Variants in TGDS observed in about 807,000 individuals in gnomAD.
TGDS encodes TDP-glucose 4,6-dehydratase.
Under a neutral mutation model 52.3 loss-of-function variants are expected in TGDS, and 47 were observed. The ratio of observed to expected loss-of-function variants is 0.90; its 90% confidence interval spans 0.71 to 1.15. TGDS has a LOEUF of 1.15. Ranked by LOEUF, TGDS falls within the 50% of genes most tolerant of loss-of-function variation. The pLI is 0.00. For missense variants in TGDS, 375 were observed against 418.4 expected (o/e 0.90, Z 0.90); for synonymous variants, 115 against 136.9 (o/e 0.84, Z 1.12).
intron 4 of TGDS, among the ~76,000 whole-genome samples, chr13:94,587,028 G>A (rs1323863176): frequency 1.3e-5 from 2 of 152,064 alleles, no homozygotes; most frequent in Non-Finnish European, 2.9e-5. Context: ...GCCTCTCAAA[G>A]TGCTAGGATT....
At position 94,574,366 on chromosome 13, in the gene TGDS, T is replaced by C. The variant is rs1229766370; in HGVS notation, c.*416A>G. On this transcript the variant is annotated 3_prime_UTR_variant, in exon 12 of 12. Transcript: ENST00000261296. ...AGCATATCAGATCTTAAAAAAGAAATGGTGAATTAGGGCCTAAGACATCCT... is the reference window on the plus strand; with the variant it reads ...AGCATATCAGATCTTAAAAAAGAAACGGTGAATTAGGGCCTAAGACATCCT... 46 of 155,258 alleles carry C rather than the reference T, an allele frequency of 3.0e-4. No individual in the cohort carries two copies. The highest frequency in any genetic ancestry group is 5.7e-5 in the Non-Finnish European group (4 of 70,184). The allele number at this position is 155,258 out of a possible 1,614,324, so 9.6% of individuals were successfully genotyped here.
At chr13:94,581,665 T>C (rs1888799039) in intron 5 of TGDS, among the ~76,000 whole-genome samples, 1 of 152,222 alleles carries the variant, frequency 6.6e-6, no homozygotes, top group South Asian at 2.1e-4. Context: ...TGAAAAATGG[T>C]TACTTCTTGG....
chr13:94,586,753 T>C (rs1007340391), intron 4 of TGDS, among the ~76,000 whole-genome samples: 807 of 62,120 alleles, frequency 0.013, 24 homozygotes, highest in Non-Finnish European at 0.016. Flanking sequence ...ATCAAATTAT[T>C]TTTTTTTTTT....
chr13:94,575,285 CTTTTT>C (rs66717082), intron 11 of TGDS, among the ~76,000 whole-genome samples: 2 of 113,192 alleles, frequency 1.8e-5, no homozygotes, highest in East Asian at 2.5e-4. Context: ...AACTTCCTTG[CTTTTT>C]TTTTTTTTTT....
chr13:94,590,970 G>C, intron 3 of TGDS, 27 bp from the exon 4 acceptor site: 2 of 1,519,686 alleles, frequency 1.3e-6, no homozygotes, highest in Non-Finnish European at 1.8e-6. Flanking sequence ...ACATGAAAGG[G>C]CCTAGGTTTC....
chr13:94,577,124 T>A (rs1888631014), intron 10 of TGDS, among the ~76,000 whole-genome samples: 1 of 152,004 alleles, frequency 6.6e-6, no homozygotes, highest in Non-Finnish European at 1.5e-5. Flanking sequence ...AAAGATGTTA[T>A]TATCCCTATT....
intron 4 of TGDS, among the ~76,000 whole-genome samples, chr13:94,590,567 C>T (rs1889160107): frequency 6.6e-6 from 1 of 151,662 alleles, no homozygotes; most frequent in South Asian, 2.1e-4. Flanking sequence ...TTAAGAAAAA[C>T]AACATAAAAA....
chr13:94,575,285 C>CTTTT (rs66717082), intron 11 of TGDS, among the ~76,000 whole-genome samples: 32 of 113,184 alleles, frequency 2.8e-4, no homozygotes, highest in African/African-American at 7.9e-4. Context: ...AACTTCCTTG[C>CTTTT]TTTTTTTTTT....
At chr13:94,595,991 T>C in intron 1 of TGDS, 60 bp downstream of exon 1, 1 of 1,601,978 alleles carries the variant, frequency 6.2e-7, no homozygotes, top group East Asian at 2.2e-5. Context: ...CAAGCAGAGC[T>C]GCGGGAAAAG....
At chr13:94,593,753 A>T in intron 2 of TGDS, 88 bp downstream of exon 2, 1 of 967,352 alleles carries the variant, frequency 1.0e-6, no homozygotes, top group East Asian at 2.5e-5. Flanking sequence ...AAAAATTTAA[A>T]TATCAGCATG....
chr13:94,594,469 T>G (rs1010894748), intron 1 of TGDS, among the ~76,000 whole-genome samples: 8 of 152,150 alleles, frequency 5.3e-5, no homozygotes, highest in African/African-American at 1.9e-4. Context: ...CCATTCTGAG[T>G]TGGATATCCA....
chr13:94,591,106 T>C (rs1438310850), intron 3 of TGDS, among the ~76,000 whole-genome samples, 163 bp from the exon 4 acceptor site: 1 of 152,216 alleles, frequency 6.6e-6, no homozygotes. Context: ...GATGTATTTC[T>C]CCAGCATCTT....
intron 5 of TGDS, among the ~76,000 whole-genome samples, chr13:94,582,602 G>A (rs1045803909): frequency 1.3e-5 from 2 of 152,190 alleles, no homozygotes; most frequent in Admixed American, 1.3e-4. Context: ...GATCCTAGGT[G>A]TGTCTGTGAG....
At chr13:94,586,748 A>ATTCTTTT (rs1566960948) in intron 4 of TGDS, among the ~76,000 whole-genome samples, 1 of 88,444 alleles carries the variant, frequency 1.1e-5, no homozygotes, top group African/African-American at 3.1e-5. Context: ...AAGAAATCAA[A>ATTCTTTT]TTATTTTTTT....
chr13:94,588,267 T>C (rs1889069052), intron 4 of TGDS, among the ~76,000 whole-genome samples: 1 of 148,612 alleles, frequency 6.7e-6, no homozygotes, highest in African/African-American at 2.5e-5. Flanking sequence ...CTATCAAAAA[T>C]ACAAAATTAG....
intron 3 of TGDS, among the ~76,000 whole-genome samples, chr13:94,591,214 T>C (rs879848700): frequency 1.3e-5 from 2 of 152,240 alleles, no homozygotes; most frequent in Non-Finnish European, 2.9e-5. Context: ...CGCAACATTT[T>C]TGCCAACCCA....
intron 4 of TGDS, 60 bp from the exon 5 acceptor site, chr13:94,583,296 A>G (rs1477009086): frequency 1.2e-5 from 18 of 1,558,896 alleles, no homozygotes; most frequent in Non-Finnish European, 1.7e-6. Context: ...CAAATGCCAA[A>G]TGATGGACTC....
intron 5 of TGDS, among the ~76,000 whole-genome samples, chr13:94,582,199 CAA>C (rs35792308): frequency 2.9e-5 from 4 of 138,956 alleles, no homozygotes; most frequent in Non-Finnish European, 4.7e-5. Flanking sequence ...ACTCCCATCT[CAA>C]AAAAAAAAAA....
chr13:94,595,076 G>C (rs1027350827), intron 1 of TGDS, among the ~76,000 whole-genome samples: 1 of 152,138 alleles, frequency 6.6e-6, no homozygotes, highest in African/African-American at 2.4e-5. Context: ...TGTGCTAGTT[G>C]GGAGAGGGGC....
Sources: allele counts gnomAD v4.1 joint callset (sites outside exome capture counted in the v4.1 genomes callset), GRCh38; gene constraint gnomAD v4.1.1; transcripts MANE v1.5; gene names NCBI Gene and HGNC (gene_info 2026-07-23, HGNC 2026-07-21).